The following PCDH15 variants were observed in gnomAD, a reference collection of about 807,000 sequenced individuals.
PCDH15 encodes protocadherin-15.
PCDH15 carries 129 observed loss-of-function variants against 178.5 expected under a neutral mutation model. That is an observed-to-expected ratio of 0.72 (90% CI 0.63 to 0.84). The LOEUF (loss-of-function observed/expected upper bound fraction) is 0.84, where lower values mean the gene tolerates loss of function less well. Among genes scored for constraint, PCDH15 ranks in the 40% least tolerant of loss-of-function variants. The probability of loss-of-function intolerance (pLI) is 0.00; values close to 1 mark genes in which losing one functional copy is unlikely to be tolerated. For synonymous variants in PCDH15, 800 were observed against 732.0 expected (o/e 1.09, Z -1.50); for missense variants, 2,230 against 2,099.9 (o/e 1.06, Z -1.21).
chr10:53,833,137 C>A (rs1000824587), intron 29 of PCDH15, among the ~76,000 whole-genome samples: 8 of 151,894 alleles, frequency 5.3e-5, no homozygotes, highest in Non-Finnish European at 1.2e-4. Context: ...AGAATTGCTT[C>A]ACAGGAACTA....
chr10:54,163,526 C>G (rs2045922098), intron 13 of PCDH15, among the ~76,000 whole-genome samples: 1 of 152,038 alleles, frequency 6.6e-6, no homozygotes, highest in Admixed American at 6.6e-5. Context: ...ATCCAATTAC[C>G]TTCCACTAGG....
intron 2 of PCDH15, among the ~76,000 whole-genome samples, chr10:54,972,848 C>CA (rs750356955): frequency 0.41 from 21,933 of 53,094 alleles, 4,603 homozygotes; most frequent in Non-Finnish European, 0.51. Context: ...GACTCCATCT[C>CA]AAAAAAAAAA....
chr10:55,567,206 C>T (rs1486372771), intron 2 of PCDH15, among the ~76,000 whole-genome samples: 2 of 151,792 alleles, frequency 1.3e-5, no homozygotes, highest in African/African-American at 4.8e-5. Flanking sequence ...ATAAATGTTG[C>T]AGGGAAAATT....
intron 26 of PCDH15, among the ~76,000 whole-genome samples, chr10:53,877,334 C>CTATTA (rs2080320201): frequency 6.6e-6 from 1 of 151,998 alleles, no homozygotes; most frequent in South Asian, 2.1e-4. Flanking sequence ...AAATTGTGCT[C>CTATTA]TATTATATAG....
At chr10:54,079,565 C>G in intron 16 of PCDH15, 141 bp from the exon 17 acceptor site, 1 of 800,136 alleles carries the variant, frequency 1.2e-6, no homozygotes, top group Non-Finnish European at 2.2e-6. Context: ...ATGTATAATA[C>G]TAAGATTCAT....
intron 20 of PCDH15, among the ~76,000 whole-genome samples, chr10:54,003,074 A>C (rs1020543387): frequency 6.6e-6 from 1 of 152,050 alleles, no homozygotes; most frequent in Non-Finnish European, 1.5e-5. Context: ...AGCAGGAAAA[A>C]CTCTTGATTC....
chr10:54,662,014 C>A (rs10763122), intron 2 of PCDH15, among the ~76,000 whole-genome samples: 75,457 of 151,694 alleles, frequency 0.5, 19,895 homozygotes, highest in Non-Finnish European at 0.6. Context: ...ATAAATAATA[C>A]CTCAAAAGCA....
intron 18 of PCDH15, among the ~76,000 whole-genome samples, chr10:54,041,735 A>G (rs1183343074): frequency 6.6e-6 from 1 of 152,100 alleles, no homozygotes; most frequent in Admixed American, 6.6e-5. Flanking sequence ...CTTAAATCCA[A>G]TATTGTGGGT....
chr10:55,580,681 T>C (rs1169731059), intron 2 of PCDH15, among the ~76,000 whole-genome samples: 3 of 152,148 alleles, frequency 2.0e-5, no homozygotes, highest in East Asian at 3.9e-4. Flanking sequence ...GGCTTTTACC[T>C]GAAAAATCCT....
intron 2 of PCDH15, among the ~76,000 whole-genome samples, chr10:55,008,257 A>C (rs1591832711): frequency 6.6e-6 from 1 of 151,094 alleles, no homozygotes; most frequent in South Asian, 2.1e-4. Flanking sequence ...TCTTTGAAAA[A>C]AAAAACAACA....
chr10:54,436,621 A>G (rs754960544), intron 3 of PCDH15, among the ~76,000 whole-genome samples: 1 of 152,174 alleles, frequency 6.6e-6, no homozygotes, highest in Non-Finnish European at 1.5e-5. Context: ...ATTGATTTTT[A>G]TATATGCTTT....
chr10:54,420,034 T>G (rs961594771), intron 3 of PCDH15, among the ~76,000 whole-genome samples: 8 of 151,992 alleles, frequency 5.3e-5, no homozygotes, highest in African/African-American at 1.7e-4. Flanking sequence ...AAATAGAATT[T>G]CACACAGAAA....
At chr10:54,397,445 A>G (rs987897838) in intron 3 of PCDH15, among the ~76,000 whole-genome samples, 7 of 152,046 alleles carry the variant, frequency 4.6e-5, no homozygotes, top group East Asian at 1.9e-4. Flanking sequence ...TTGTGTTTCA[A>G]AAGAACTGAG....
At chr10:54,421,689 TATATACACACAC>T (rs1955369775) in intron 3 of PCDH15, among the ~76,000 whole-genome samples, 1 of 104,810 alleles carries the variant, frequency 9.5e-6, no homozygotes, top group African/African-American at 4.3e-5. Context: ...TATATATATA[TATATACACACAC>T]ACACACACAC....
chr10:54,518,387 C>A (rs1452746878), intron 3 of PCDH15, among the ~76,000 whole-genome samples: 21 of 151,818 alleles, frequency 1.4e-4, no homozygotes, highest in Admixed American at 6.6e-5. Flanking sequence ...ATATCACCAC[C>A]GATCCCACAG....
chr10:54,487,316 G>A (rs995775246), intron 3 of PCDH15, among the ~76,000 whole-genome samples: 23 of 151,942 alleles, frequency 1.5e-4, no homozygotes, highest in Admixed American at 1.5e-3. Context: ...GTAAAGTGTG[G>A]AATGATTGAA....
intron 2 of PCDH15, among the ~76,000 whole-genome samples, chr10:55,588,824 G>A (rs1842777760): frequency 6.6e-6 from 1 of 152,150 alleles, no homozygotes; most frequent in African/African-American, 2.4e-5. Flanking sequence ...CCTCACACCT[G>A]TAATCCTAGC....
chr10:54,354,083 T>G (rs575601800), intron 5 of PCDH15, among the ~76,000 whole-genome samples: 1 of 152,056 alleles, frequency 6.6e-6, no homozygotes, highest in South Asian at 2.1e-4. Flanking sequence ...CCTCCTGGGT[T>G]CAAGCAATTC....
chr10:54,321,740 T>C (rs2061621291), intron 7 of PCDH15, among the ~76,000 whole-genome samples: 3 of 141,180 alleles, frequency 2.1e-5, no homozygotes, highest in South Asian at 4.3e-4. Context: ...CCAAAATACA[T>C]AATAGGAGTT....
Sources: gnomAD v4.1 joint callset for allele counts (sites outside exome capture counted in the v4.1 genomes callset) on GRCh38, gnomAD v4.1.1 for gene constraint, MANE v1.5 for transcripts, NCBI Gene and HGNC (gene_info 2026-07-23, HGNC 2026-07-21) for gene names.